Variants in ITPK1 observed in about 807,000 individuals in gnomAD.
ITPK1 encodes the protein inositol 1,3,4-trisphosphate 5/6-kinase.
A neutral mutation model predicts 45.3 loss-of-function variants in ITPK1; 21 were observed. That is an observed-to-expected ratio of 0.46 (90% CI 0.33 to 0.67). ITPK1 has a LOEUF of 0.67. Among genes scored for constraint, ITPK1 ranks in the 30% least tolerant of loss-of-function variants. The pLI is 0.02. For synonymous variants in ITPK1, 258 were observed against 253.6 expected, an observed-to-expected ratio of 1.02 and a Z score of -0.16; for missense variants, 474 against 573.5, an observed-to-expected ratio of 0.83 and a Z score of 1.77.
At chr14:93,105,351 G>C (rs1395825988) in intron 2 of ITPK1, among the ~76,000 whole-genome samples, 1 of 152,138 alleles carries the variant, frequency 6.6e-6, no homozygotes, top group Non-Finnish European at 1.5e-5. Flanking sequence ...GACAGTTTTG[G>C]GGTAAGGTCT....
At chr14:93,011,969 C>T (rs574579861) in intron 4 of ITPK1, among the ~76,000 whole-genome samples, 8 of 151,864 alleles carry the variant, frequency 5.3e-5, no homozygotes, top group African/African-American at 1.7e-4. Flanking sequence ...TCTCCAACCT[C>T]GCTGACACCT....
chr14:93,093,007 C>T (rs925475217), intron 2 of ITPK1, among the ~76,000 whole-genome samples: 17 of 152,204 alleles, frequency 1.1e-4, no homozygotes, highest in African/African-American at 3.9e-4. Context: ...CCAGATCCGA[C>T]TGCTGCTTCA....
chr14:93,027,604 A>G (rs901195637), intron 3 of ITPK1, among the ~76,000 whole-genome samples: 3 of 152,218 alleles, frequency 2.0e-5, no homozygotes, highest in African/African-American at 4.8e-5. Flanking sequence ...GTTCCAACAC[A>G]GGGACACGTC....
chr14:93,089,354 G>T (rs1054586142), intron 2 of ITPK1, among the ~76,000 whole-genome samples: 5 of 152,172 alleles, frequency 3.3e-5, no homozygotes, highest in Non-Finnish European at 5.9e-5. Context: ...CCACACGGTT[G>T]ACAGTCCTGT....
At chr14:92,964,597 G>C (rs1186046305) in intron 5 of ITPK1, among the ~76,000 whole-genome samples, 1 of 152,236 alleles carries the variant, frequency 6.6e-6, no homozygotes, top group Non-Finnish European at 1.5e-5. Flanking sequence ...GCTCAGGCCT[G>C]AATTTAAACT....
intron 2 of ITPK1, among the ~76,000 whole-genome samples, chr14:93,082,241 C>T (rs901151084): frequency 2.6e-5 from 4 of 152,140 alleles, no homozygotes; most frequent in Non-Finnish European, 4.4e-5. Flanking sequence ...CAGACTGAGG[C>T]CCTGCGCCAG....
chr14:93,110,618 A>C (rs1441578870), intron 2 of ITPK1, among the ~76,000 whole-genome samples: 1 of 152,188 alleles, frequency 6.6e-6, no homozygotes, highest in African/African-American at 2.4e-5. Context: ...GACCCATGAG[A>C]GCAGATGCAG....
At chr14:92,949,784 C>G (rs772237394) in intron 9 of ITPK1, among the ~76,000 whole-genome samples, 26 of 152,250 alleles carry the variant, frequency 1.7e-4, no homozygotes, top group Non-Finnish European at 3.2e-4. Context: ...CTCAGAAATC[C>G]TTCCGAAGTT....
Position 92,941,707 on chromosome 14 carries a change from C to T in ITPK1, c.1099G>A (p.Gly367Ser), listed in dbSNP as rs984899910. Residue 367 changes from glycine (G) to serine (S), a missense_variant, in exon 11 of 11, where the codon GGC becomes AGC. Coordinates refer to ENST00000267615, the MANE Select transcript of ITPK1 (RefSeq NM_014216.6). ...ASPGCCGSMM[G>S]QDAPWKAEAD... ...TCAGCCTTCCAGGGCGCGTCCTGGC[C>T]CATCATGCTGCCGCAGCAGCCGGGG... 10 of 1,570,934 alleles carry T rather than the reference C, an allele frequency of 6.4e-6. No individual in the cohort carries two copies. The highest frequency in any genetic ancestry group is 1.4e-5 in the African/African-American group (1 of 74,068).
chr14:93,066,826 C>T (rs537863634), intron 3 of ITPK1, among the ~76,000 whole-genome samples: 161 of 152,314 alleles, frequency 1.1e-3, no homozygotes, highest in African/African-American at 3.7e-3. Flanking sequence ...TTGGAACTGA[C>T]CTGAGGCAAT....
Position 92,941,299 on chromosome 14 carries a change from G to C in ITPK1, c.*262C>G, listed in dbSNP as rs558032467. ...TCCAGACCTAGTGTTGCAAACACAA[G>C]CGTGTGTAAACTCAGTTAGGAGGTC... On this transcript the variant is annotated 3_prime_UTR_variant, in exon 11 of 11. Transcript: ENST00000267615. 7.2e-7 allele frequency: 1 copy of C among 1,397,550 alleles called. No individual in the cohort carries two copies. The highest frequency in any genetic ancestry group is 1.5e-5 in the African/African-American group (1 of 68,102). 86.6% of individuals were successfully genotyped at this position (1,397,550 alleles called of 1,614,324 possible).
At chr14:93,028,851 AAC>A (rs748233223) in intron 3 of ITPK1, among the ~76,000 whole-genome samples, 29 of 152,180 alleles carry the variant, frequency 1.9e-4, no homozygotes, top group South Asian at 2.1e-4. Context: ...TCCCATTGAG[AAC>A]ACTTCACTGC....
chr14:93,114,554 G>C (rs1373692278), intron 2 of ITPK1, among the ~76,000 whole-genome samples: 1 of 152,192 alleles, frequency 6.6e-6, no homozygotes, highest in Non-Finnish European at 1.5e-5. Context: ...TACATGCCAA[G>C]AATTGCTACT....
intron 8 of ITPK1, 27 bp from the exon 9 acceptor site, chr14:92,952,040 C>A: frequency 6.5e-7 from 1 of 1,547,822 alleles, no homozygotes; most frequent in Non-Finnish European, 8.8e-7. Flanking sequence ...AAGGAGCCGG[C>A]GTTAGAACCT....
intron 3 of ITPK1, among the ~76,000 whole-genome samples, chr14:93,064,873 G>A (rs1246170896): frequency 6.6e-6 from 1 of 152,180 alleles, no homozygotes; most frequent in Non-Finnish European, 1.5e-5. Context: ...CAAGGGGAAG[G>A]AGAAAGACAG....
In ITPK1 at chr14:93,098,234, A is replaced by G. The variant is rs529899891; in HGVS notation, c.95+16835T>C. Reference sequence around the variant, plus strand: ...CACTTTGGGAGGCCAAGACAGGCAGATCACGAGGTCAGGAGATCGAGACCA... The same window carrying G: ...CACTTTGGGAGGCCAAGACAGGCAGGTCACGAGGTCAGGAGATCGAGACCA... On this transcript the variant is annotated intron_variant, in intron 2 of 10. Coordinates refer to ENST00000267615, the MANE Select transcript of ITPK1 (RefSeq NM_014216.6). Among the ~76,000 whole-genome samples, 51 of 152,258 alleles carry G rather than the reference A, an allele frequency of 3.3e-4. No individual in the cohort carries two copies. The South Asian group carries it at 0.011, about 32-fold the overall frequency.
intron 2 of ITPK1, among the ~76,000 whole-genome samples, chr14:93,085,485 A>G (rs1891613550): frequency 6.6e-6 from 1 of 152,160 alleles, no homozygotes; most frequent in African/African-American, 2.4e-5. Context: ...GGTGCCTGGA[A>G]GCAGCTTTTC....
rs113036067 is a variant in ITPK1, at chr14:92,972,230, T to G, written c.365-9381A>C. On this transcript the variant is annotated intron_variant, in intron 5 of 10. Coordinates refer to ENST00000267615, the MANE Select transcript of ITPK1 (RefSeq NM_014216.6). ...TACCTTCCTGTGATGGGCTGAGCGCTGTTTCCAAGTTGATATTGAAGCCCC... is the reference window on the plus strand; with the variant it reads ...TACCTTCCTGTGATGGGCTGAGCGCGGTTTCCAAGTTGATATTGAAGCCCC... Among the ~76,000 whole-genome samples, 361 of 152,326 alleles carry G rather than the reference T, an allele frequency of 2.4e-3. 4 individuals carry two copies. Among genetic ancestry groups the G allele is most frequent in the African/African-American group, 8.5e-3 (353 of 41,560 alleles).
At chr14:93,093,358 C>T (rs1891939979) in intron 2 of ITPK1, among the ~76,000 whole-genome samples, 1 of 152,218 alleles carries the variant, frequency 6.6e-6, no homozygotes, top group South Asian at 2.1e-4. Context: ...GTTATAACTG[C>T]ACTAGTCCTC....
Sources: allele counts gnomAD v4.1 joint callset (sites outside exome capture counted in the v4.1 genomes callset), GRCh38; gene constraint gnomAD v4.1.1; transcripts MANE v1.5; gene names NCBI Gene and HGNC (gene_info 2026-07-23, HGNC 2026-07-21).